CFAP107: variants seen among roughly 807,000 people sequenced by gnomAD.
CFAP107 encodes cilia- and flagella-associated protein 107.
chr1:12,747,070 A>G, the CFAP107 span, among the ~76,000 whole-genome samples: 6 of 142,074 alleles, frequency 4.2e-5, no homozygotes, highest in African/African-American at 1.7e-4. Flanking sequence ...TTCAATTTTT[A>G]CTTTTTTTTT....
chr1:12,759,534 G>A, the CFAP107 span: 2 of 1,603,608 alleles, frequency 1.2e-6, no homozygotes, highest in Non-Finnish European at 1.7e-6. Flanking sequence ...CTGTAAAGTT[G>A]CACAGACCAA....
the CFAP107 span, among the ~76,000 whole-genome samples, chr1:12,756,511 TG>T: frequency 2.0e-5 from 3 of 152,336 alleles, no homozygotes; most frequent in East Asian, 5.8e-4. Flanking sequence ...AGGCACAGCC[TG>T]GGGAGAGCAA....
At chr1:12,754,233 C>T in the CFAP107 span, among the ~76,000 whole-genome samples, 1 of 152,218 alleles carries the variant, frequency 6.6e-6, no homozygotes, top group African/African-American at 2.4e-5. Flanking sequence ...ATAGGTATTT[C>T]TCCAAAGAAG....
At chr1:12,756,531 G>T in the CFAP107 span, among the ~76,000 whole-genome samples, 1 of 152,114 alleles carries the variant, frequency 6.6e-6, no homozygotes, top group Non-Finnish European at 1.5e-5. Context: ...AAGCTTGTAG[G>T]TGCTCACCCA....
At chr1:12,752,519 A>G in the CFAP107 span, among the ~76,000 whole-genome samples, 1 of 142,658 alleles carries the variant, frequency 7.0e-6, no homozygotes, top group East Asian at 2.1e-4. Context: ...GTGAGCCAAG[A>G]TCTCACCACT....
At chr1:12,755,597 CT>C in the CFAP107 span, 2 of 786,876 alleles carry the variant, frequency 2.5e-6, no homozygotes, top group Non-Finnish European at 4.5e-6. Context: ...TTATATTTAC[CT>C]TTTCCCTACC....
the CFAP107 span, among the ~76,000 whole-genome samples, chr1:12,756,940 G>A: frequency 6.6e-6 from 1 of 152,180 alleles, no homozygotes; most frequent in Non-Finnish European, 1.5e-5. Context: ...TCCATGTCAG[G>A]ATAAGCAGCA....
chr1:12,746,438 TG>T, the CFAP107 span: 1 of 1,613,084 alleles, frequency 6.2e-7, no homozygotes, highest in Non-Finnish European at 8.5e-7. Flanking sequence ...AACATGTTTT[TG>T]ACTGCAGTAA....
At chr1:12,755,250 C>G in the CFAP107 span, among the ~76,000 whole-genome samples, 1 of 152,060 alleles carries the variant, frequency 6.6e-6, no homozygotes. Context: ...TCTGAAAATA[C>G]AAAAATTAGC....
At chr1:12,750,466 C>T in the CFAP107 span, among the ~76,000 whole-genome samples, 3 of 152,104 alleles carry the variant, frequency 2.0e-5, no homozygotes, top group Non-Finnish European at 2.9e-5. Flanking sequence ...CAGGATCCAA[C>T]TATATGCTGC....
chr1:12,746,463 C>T, the CFAP107 span: 3 of 1,613,768 alleles, frequency 1.9e-6, no homozygotes, highest in Non-Finnish European at 2.5e-6. Flanking sequence ...CACAGCCACT[C>T]TCTACTCCGA....
At chr1:12,746,642 T>C in the CFAP107 span, 1 of 835,756 alleles carries the variant, frequency 1.2e-6, no homozygotes, top group South Asian at 1.4e-5. Context: ...CAGCAGATGA[T>C]TGCATCTTAA....
the CFAP107 span, among the ~76,000 whole-genome samples, chr1:12,750,373 C>T: frequency 2.0e-4 from 30 of 152,102 alleles, no homozygotes; most frequent in Non-Finnish European, 4.0e-4. Flanking sequence ...AATATAAGTC[C>T]TTCCCTATCA....
the CFAP107 span, chr1:12,746,524 A>G: frequency 1.2e-6 from 2 of 1,612,736 alleles, no homozygotes; most frequent in South Asian, 2.2e-5. Context: ...TGGAAATTGG[A>G]TGGAAGAGAG....
the CFAP107 span, among the ~76,000 whole-genome samples, chr1:12,754,646 G>GT: frequency 6.6e-6 from 1 of 152,220 alleles, no homozygotes; most frequent in African/African-American, 2.4e-5. Flanking sequence ...AAAACATGGT[G>GT]TAAGTGTATC....
At chr1:12,754,307 A>G in the CFAP107 span, among the ~76,000 whole-genome samples, 27,114 of 152,262 alleles carry the variant, frequency 0.18, 2,683 homozygotes, top group Middle Eastern at 0.24. Context: ...GGAAATCCAA[A>G]TCAAAATTAC....
the CFAP107 span, chr1:12,760,770 C>G: frequency 6.2e-7 from 1 of 1,612,442 alleles, no homozygotes; most frequent in South Asian, 1.1e-5. Flanking sequence ...TCTCTTGCAG[C>G]TCCCCCTACA....
the CFAP107 span, among the ~76,000 whole-genome samples, chr1:12,753,033 G>A: frequency 6.6e-6 from 1 of 152,080 alleles, no homozygotes; most frequent in Admixed American, 6.6e-5. Flanking sequence ...TAATAAATGA[G>A]TTAAGCAAAG....
At chr1:12,758,382 T>G in the CFAP107 span, among the ~76,000 whole-genome samples, 2 of 152,180 alleles carry the variant, frequency 1.3e-5, no homozygotes, top group Non-Finnish European at 2.9e-5. Context: ...CAATTCCCTT[T>G]GTTGATGGGA....
Sources: allele counts gnomAD v4.1 joint callset (sites outside exome capture counted in the v4.1 genomes callset), GRCh38; gene constraint gnomAD v4.1.1; transcripts MANE v1.5; gene names NCBI Gene and HGNC (gene_info 2026-07-23, HGNC 2026-07-21).